SOCS2: variants seen among roughly 807,000 people sequenced by gnomAD.
SOCS2 encodes suppressor of cytokine signaling 2.
In SOCS2, 10 loss-of-function variants were observed where a neutral mutation model predicts 18.6. That is an observed-to-expected ratio of 0.54 (90% CI 0.33 to 0.91). SOCS2 has a LOEUF of 0.91. SOCS2 is among the 40% of genes least tolerant of loss of function. SOCS2 has a pLI of 0.02. For missense variants in SOCS2, 231 were observed against 247.2 expected, an observed-to-expected ratio of 0.93 and a Z score of 0.44; for synonymous variants, 104 against 104.0, an observed-to-expected ratio of 1.00 and a Z score of 0.00.
the SOCS2 span, among the ~76,000 whole-genome samples, chr12:93,624,364 A>G: frequency 6.6e-6 from 1 of 152,208 alleles, no homozygotes; most frequent in Non-Finnish European, 1.5e-5. Flanking sequence ...CGAGGTCAAG[A>G]GATTGAGATC....
At chr12:93,614,540 C>CTTCTTTCTTTCTTTCT in the SOCS2 span, among the ~76,000 whole-genome samples, 3 of 37,138 alleles carry the variant, frequency 8.1e-5, no homozygotes, top group East Asian at 1.2e-3. Context: ...TCCTTCCTTC[C>CTTCTTTCTTTCTTTCT]TTCTTTCTTT....
the SOCS2 span, among the ~76,000 whole-genome samples, chr12:93,619,847 G>A: frequency 1.3e-5 from 2 of 152,114 alleles, no homozygotes; most frequent in Admixed American, 1.3e-4. Flanking sequence ...GTTAACTTCT[G>A]GTTCAGCTCA....
At chr12:93,624,311 G>A in the SOCS2 span, among the ~76,000 whole-genome samples, 3 of 152,114 alleles carry the variant, frequency 2.0e-5, no homozygotes, top group African/African-American at 4.8e-5. Context: ...AGTGGCTCAC[G>A]CCTGTAATCC....
chr12:93,580,697 T>C (rs1175984403), downstream of SOCS2, among the ~76,000 whole-genome samples: 3 of 151,874 alleles, frequency 2.0e-5, no homozygotes, highest in Non-Finnish European at 4.4e-5. Context: ...TTGTTTGACT[T>C]CCCATTTTAA....
chr12:93,595,166 T>A, the SOCS2 span, among the ~76,000 whole-genome samples: 1 of 152,206 alleles, frequency 6.6e-6, no homozygotes, highest in East Asian at 1.9e-4. Flanking sequence ...TACTCGTTAC[T>A]GAAAATAAAA....
the SOCS2 span, among the ~76,000 whole-genome samples, chr12:93,606,875 A>G: frequency 2.0e-5 from 3 of 151,706 alleles, no homozygotes; most frequent in Non-Finnish European, 4.4e-5. Flanking sequence ...CTGGTCTTGA[A>G]CTCCTGGCCT....
chr12:93,623,768 G>A, the SOCS2 span, among the ~76,000 whole-genome samples: 689 of 151,936 alleles, frequency 4.5e-3, 10 homozygotes, highest in African/African-American at 0.013. Flanking sequence ...GTGCAATCGC[G>A]ATCTCAGCTC....
At chr12:93,614,360 TC>T in the SOCS2 span, among the ~76,000 whole-genome samples, 4 of 122,268 alleles carry the variant, frequency 3.3e-5, no homozygotes, top group African/African-American at 1.8e-4. Context: ...ATAGCAATTT[TC>T]CTTCTTTCTT....
chr12:93,621,971 T>G, the SOCS2 span, among the ~76,000 whole-genome samples: 1 of 152,166 alleles, frequency 6.6e-6, no homozygotes, highest in South Asian at 2.1e-4. Flanking sequence ...TTATTACTGA[T>G]CTTATTTTAA....
At chr12:93,587,501 G>A (rs925999979), downstream of SOCS2, among the ~76,000 whole-genome samples, 5 of 151,966 alleles carry the variant, frequency 3.3e-5, no homozygotes, top group Non-Finnish European at 7.4e-5. Flanking sequence ...CTAACACAGT[G>A]AAACCCCGTC....
the SOCS2 span, among the ~76,000 whole-genome samples, chr12:93,589,356 T>A: frequency 0.2 from 30,289 of 152,198 alleles, 3,184 homozygotes; most frequent in East Asian, 0.32. Context: ...GGGAATTTTT[T>A]TTTTAAATTC....
At chr12:93,610,328 A>G in the SOCS2 span, among the ~76,000 whole-genome samples, 2 of 152,068 alleles carry the variant, frequency 1.3e-5, no homozygotes, top group Non-Finnish European at 2.9e-5. Context: ...GCTAACCTGG[A>G]TGGTTGGTCA....
the SOCS2 span, among the ~76,000 whole-genome samples, chr12:93,612,161 G>A: frequency 6.6e-6 from 1 of 152,128 alleles, no homozygotes; most frequent in East Asian, 1.9e-4. Flanking sequence ...TGCTAAACAT[G>A]AGACCTGCCC....
the SOCS2 span, among the ~76,000 whole-genome samples, chr12:93,604,956 C>T: frequency 6.6e-6 from 1 of 150,380 alleles, no homozygotes; most frequent in Non-Finnish European, 1.5e-5. Flanking sequence ...GCCACTGTGC[C>T]GGCCTGGATT....
chr12:93,625,054 G>C, the SOCS2 span, among the ~76,000 whole-genome samples: 1 of 152,200 alleles, frequency 6.6e-6, no homozygotes, highest in Non-Finnish European at 1.5e-5. Context: ...GAAGACCCCA[G>C]TGTTTTCCCC....
the SOCS2 span, among the ~76,000 whole-genome samples, chr12:93,597,707 C>G: frequency 6.6e-6 from 1 of 152,198 alleles, no homozygotes; most frequent in Non-Finnish European, 1.5e-5. Flanking sequence ...TATGTAATCA[C>G]CACTCAGCCA....
chr12:93,609,365 C>A, the SOCS2 span, among the ~76,000 whole-genome samples: 8 of 151,984 alleles, frequency 5.3e-5, no homozygotes, highest in African/African-American at 1.7e-4. Flanking sequence ...ACACTCCAGC[C>A]TGGGCAACAA....
chr12:93,586,268 A>G (rs191541749), downstream of SOCS2, among the ~76,000 whole-genome samples: 99 of 152,350 alleles, frequency 6.5e-4, 1 homozygote, highest in African/African-American at 2.3e-3. Flanking sequence ...ATTCAAGATA[A>G]ATAAATTATG....
the SOCS2 span, among the ~76,000 whole-genome samples, chr12:93,619,221 T>G: frequency 6.6e-6 from 1 of 152,184 alleles, no homozygotes; most frequent in Non-Finnish European, 1.5e-5. Context: ...AAGCGGTGAC[T>G]GGGTAAGTTG....
Sources: allele counts gnomAD v4.1 joint callset (sites outside exome capture counted in the v4.1 genomes callset), GRCh38; gene constraint gnomAD v4.1.1; transcripts MANE v1.5; gene names NCBI Gene and HGNC (gene_info 2026-07-23, HGNC 2026-07-21).